SOX6: variants seen among roughly 807,000 people sequenced by gnomAD.
SOX6 encodes transcription factor SOX-6.
In SOX6, 11 loss-of-function variants were observed where a neutral mutation model predicts 97.8. The ratio of observed to expected loss-of-function variants is 0.11; its 90% CI spans 0.07 to 0.19. The LOEUF (loss-of-function observed/expected upper bound fraction) is 0.19. SOX6 is among the 10% of genes least tolerant of loss of function. The pLI is 1.00. For missense variants in SOX6, 810 were observed against 1,039.5 expected (o/e 0.78, Z 3.04); for synonymous variants, 360 against 371.4 (o/e 0.97, Z 0.35).
intron 4 of SOX6, among the ~76,000 whole-genome samples, chr11:16,545,287 T>C (rs572489080): frequency 6.6e-6 from 1 of 151,352 alleles, no homozygotes; most frequent in East Asian, 1.9e-4. Flanking sequence ...CTTTCCAAAT[T>C]TGAATAAAAC....
At chr11:16,250,114 A>T (rs1296358481) in intron 3 of SOX6, among the ~76,000 whole-genome samples, 1 of 152,156 alleles carries the variant, frequency 6.6e-6, no homozygotes, top group African/African-American at 2.4e-5. Context: ...TGGTACCAGC[A>T]TTACCACCTG....
rs10500826 is a variant in SOX6 at position 16,194,171 on chromosome 11, C to T, written c.536-7216G>A. On this transcript the variant is annotated intron_variant, in intron 4 of 15. Coordinates refer to ENST00000683767, the MANE Select transcript of SOX6 (RefSeq NM_001367873.1). The stretch of plus-strand genomic sequence containing the variant: ...AGCATACCAGCAGCTAATTTGAGTT[C>T]TGAATCCAATAGCAGTTTTAAAAGC... Among the ~76,000 whole-genome samples the T allele has an allele frequency of 0.035, 5,260 of 152,272 alleles. 504 individuals are homozygous for T. The East Asian group carries it at 0.37, about 11-fold the overall frequency.
intron 12 of SOX6, among the ~76,000 whole-genome samples, chr11:16,017,675 G>A (rs1770290877): frequency 6.6e-6 from 1 of 152,052 alleles, no homozygotes; most frequent in African/African-American, 2.4e-5. Context: ...ACAGGATGTG[G>A]ACATGGGCAC....
At chr11:16,664,164 C>T (rs1368348075) in intron 3 of SOX6, among the ~76,000 whole-genome samples, 1 of 152,134 alleles carries the variant, frequency 6.6e-6, no homozygotes, top group Non-Finnish European at 1.5e-5. Flanking sequence ...TCTTCATCCT[C>T]CCCACAGGAA....
intron 8 of SOX6, 97 bp from the exon 9 acceptor site, chr11:16,096,215 A>C: frequency 7.1e-7 from 1 of 1,405,642 alleles, no homozygotes. Context: ...GGTATTGACC[A>C]CATCAAAAAA....
chr11:16,259,945 A>ATATGTGTG (rs3059123), intron 3 of SOX6, among the ~76,000 whole-genome samples: 11,368 of 149,076 alleles, frequency 0.076, 470 homozygotes, highest in Non-Finnish European at 0.095. Flanking sequence ...TGTCCCAAAT[A>ATATGTGTG]TGTGTGTGTG....
At chr11:16,423,338 T>C (rs1333397425) in intron 1 of SOX6, among the ~76,000 whole-genome samples, 1 of 152,174 alleles carries the variant, frequency 6.6e-6, no homozygotes, top group Non-Finnish European at 1.5e-5. Context: ...CTGACAACCC[T>C]ATAAAAAAAT....
At chr11:16,509,497 C>A (rs1035149212) in intron 4 of SOX6, among the ~76,000 whole-genome samples, 10 of 151,916 alleles carry the variant, frequency 6.6e-5, no homozygotes, top group Admixed American at 1.3e-4. Context: ...ATAATGGAAA[C>A]ACCTTTAATA....
intron 9 of SOX6, among the ~76,000 whole-genome samples, chr11:16,087,756 T>C (rs768530421): frequency 5.5e-4 from 83 of 152,214 alleles, no homozygotes; most frequent in Admixed American, 1.3e-3. Flanking sequence ...TTCTTTATTA[T>C]ATATTCCTTT....
Position 16,287,298 on chromosome 11 carries a change from T to TCACACA in SOX6, c.445+31142_445+31147dup, listed in dbSNP as rs371413164. On this transcript the variant is annotated intron_variant, in intron 3 of 15. Transcript: ENST00000683767. ...CTCTCTCTCTCTCTCTCTCTCTCTC[T>TCACACA]CACACACACACACACACACACACAC... Among the ~76,000 whole-genome samples the TCACACA allele has an allele frequency of 6.1e-4, 75 of 123,514 alleles. 1 individual carries two copies. The highest frequency in any genetic ancestry group is 2.0e-3 in the African/African-American group (61 of 30,850). 81.0% of individuals were successfully genotyped at this position (123,514 alleles called of 152,430 possible). A position where few individuals can be genotyped will look rare whatever the true frequency, so the allele number is the denominator to read the frequency against.
chr11:16,267,281 A>G (rs1466036963), intron 3 of SOX6, among the ~76,000 whole-genome samples: 1 of 151,604 alleles, frequency 6.6e-6, no homozygotes, highest in Non-Finnish European at 1.5e-5. Flanking sequence ...AAAAATATTT[A>G]CAAGCCATAC....
At chr11:16,198,225 T>A (rs1851841000) in intron 4 of SOX6, among the ~76,000 whole-genome samples, 1 of 94,688 alleles carries the variant, frequency 1.1e-5, no homozygotes, top group Non-Finnish European at 2.0e-5. Context: ...TGCTAATTTT[T>A]TTTTCTTTTT....
At chr11:16,280,641 AT>A (rs1854529858) in intron 3 of SOX6, among the ~76,000 whole-genome samples, 1 of 152,028 alleles carries the variant, frequency 6.6e-6, no homozygotes, top group Non-Finnish European at 1.5e-5. Context: ...TTAAAACCCA[AT>A]CCAAATCAAA....
rs141352367 is a variant in SOX6 at position 16,301,233 on chromosome 11, T to G, written c.445+17213A>C. 9.3e-3 allele frequency among the ~76,000 whole-genome samples: 1,414 copies of G among 152,310 alleles called. 25 individuals are homozygous for G. The highest frequency in any genetic ancestry group is 0.032 in the African/African-American group (1,321 of 41,566). On this transcript the variant is annotated intron_variant, in intron 3 of 15. Coordinates refer to ENST00000683767, the MANE Select transcript of SOX6 (RefSeq NM_001367873.1). The stretch of plus-strand genomic sequence containing the variant: ...GACATATACAGCCTGTAGCTAGTAC[T>G]TTCACCCTACTTCTTAATCAAACAA...
At chr11:16,517,174 T>G (rs1409731786) in intron 4 of SOX6, among the ~76,000 whole-genome samples, 2 of 152,164 alleles carry the variant, frequency 1.3e-5, no homozygotes, top group Non-Finnish European at 2.9e-5. Context: ...TGATGGGATG[T>G]ATTTCAAAAT....
intron 6 of SOX6, among the ~76,000 whole-genome samples, chr11:16,130,119 A>G (rs1353912064): frequency 2.0e-5 from 3 of 152,072 alleles, no homozygotes; most frequent in Non-Finnish European, 2.9e-5. Context: ...TAAAAGGCCA[A>G]TAACAAAAAT....
rs527495373 is a variant in SOX6 at position 16,115,310 on chromosome 11, T to C, written c.778-3387A>G. Among the ~76,000 whole-genome samples the C allele has an allele frequency of 1.1e-4, 17 of 152,254 alleles. No homozygotes were observed. In the South Asian group the frequency reaches 3.5e-3, roughly 32 times the overall value. On this transcript the variant is annotated intron_variant, in intron 6 of 15. Transcript: ENST00000683767. The stretch of plus-strand genomic sequence containing the variant: ...AAGCAAATTCTTAAACTCTACCCCA[T>C]ACCTACTGAATCAGAAAACTCTGGA...
At chr11:16,368,056 T>C (rs1216038782) in intron 1 of SOX6, among the ~76,000 whole-genome samples, 1 of 152,128 alleles carries the variant, frequency 6.6e-6, no homozygotes, top group Non-Finnish European at 1.5e-5. Flanking sequence ...CATGAACCTA[T>C]TGATGATGTT....
intron 4 of SOX6, among the ~76,000 whole-genome samples, chr11:16,199,715 A>G (rs1488670421): frequency 6.6e-6 from 1 of 152,198 alleles, no homozygotes; most frequent in Admixed American, 6.5e-5. Context: ...AGGTCCGTGA[A>G]CAGTAAAAGA....
Sources: allele counts gnomAD v4.1 joint callset (sites outside exome capture counted in the v4.1 genomes callset), GRCh38; gene constraint gnomAD v4.1.1; transcripts MANE v1.5; gene names NCBI Gene and HGNC (gene_info 2026-07-23, HGNC 2026-07-21).